The following NUDT2 variants were observed in gnomAD, a reference collection of about 807,000 sequenced individuals.
NUDT2 encodes bis(5'-nucleosyl)-tetraphosphatase [asymmetrical].
NUDT2 carries 12 observed loss-of-function variants against 14.2 expected under a neutral mutation model. The ratio of observed to expected loss-of-function variants is 0.84; its 90% confidence interval spans 0.54 to 1.37. The LOEUF is 1.37. Ranked by LOEUF, NUDT2 falls within the 40% of genes most tolerant of loss-of-function variation. NUDT2 has a pLI of 0.00. For synonymous variants in NUDT2, 67 were observed against 67.4 expected, an observed-to-expected ratio of 0.99 and a Z score of 0.03; for missense variants, 167 against 176.7, an observed-to-expected ratio of 0.95 and a Z score of 0.31.
chr9:34,335,264 T>C (rs1037334302), intron 1 of NUDT2, among the ~76,000 whole-genome samples: 1 of 152,200 alleles, frequency 6.6e-6, no homozygotes, highest in African/African-American at 2.4e-5. Flanking sequence ...AGGTTCCAGT[T>C]TGTCTTTGTT....
At chr9:34,335,070 A>G (rs757812914) in intron 1 of NUDT2, among the ~76,000 whole-genome samples, 14 of 152,140 alleles carry the variant, frequency 9.2e-5, no homozygotes, top group Admixed American at 5.2e-4. Context: ...CCTAGCTCCT[A>G]CTGAATTTCC....
chr9:34,339,097 G>A lies in NUDT2; in HGVS notation c.58G>A (p.Asp20Asn), dbSNP rs761474772. The change falls in exon 4 of 5, where the codon GAC becomes AAC. Residue 20 changes from aspartate (D) to asparagine (N), a missense_variant. Asp to Asn is a conservative substitution (Grantham distance 23). Coordinates refer to ENST00000379158, the MANE Select transcript of NUDT2 (RefSeq NM_001161.5). ...CCGAAGATGCCTCATTCCCAAAGTG[G>A]ACAACAATGCAATTGAGTTTTTACT... ...IFRRCLIPKVDNNAIEFLLLQ... is the reference protein window; with the variant it reads ...IFRRCLIPKVNNNAIEFLLLQ... 13 of 1,614,016 alleles carry A rather than the reference G, an allele frequency of 8.1e-6. No homozygotes were observed. The Admixed American group carries it at 1.0e-4, about 12-fold the overall frequency.
chr9:34,335,389 T>C (rs1395383163), intron 1 of NUDT2, among the ~76,000 whole-genome samples: 1 of 152,248 alleles, frequency 6.6e-6, no homozygotes, highest in Admixed American at 6.5e-5. Context: ...CTTCCAAAGA[T>C]ACACAGTGTC....
chr9:34,336,456 A>G (rs1838090163), intron 2 of NUDT2, 115 bp downstream of exon 2: 2 of 152,242 alleles, frequency 1.3e-5, no homozygotes, highest in Non-Finnish European at 2.9e-5. Context: ...GGATTTCATT[A>G]TACATGCTAT....
chr9:34,330,313 G>A (rs933624649), intron 1 of NUDT2, among the ~76,000 whole-genome samples: 5 of 152,204 alleles, frequency 3.3e-5, no homozygotes, highest in Non-Finnish European at 7.3e-5. Context: ...GCTGAGGCAG[G>A]AGAATGGCAT....
chr9:34,338,602 G>T (rs1240486124), intron 2 of NUDT2, 111 bp from the exon 3 acceptor site: 2 of 154,286 alleles, frequency 1.3e-5, no homozygotes, highest in African/African-American at 4.8e-5. Flanking sequence ...CACTGCTGGG[G>T]GGTTCTGTGC....
intron 2 of NUDT2, among the ~76,000 whole-genome samples, chr9:34,337,157 G>A (rs1044820500): frequency 1.3e-5 from 2 of 151,832 alleles, no homozygotes; most frequent in African/African-American, 4.8e-5. Flanking sequence ...GTGCCATCAC[G>A]CCTGGATAAT....
At chr9:34,331,501 C>G (rs1227123645) in intron 1 of NUDT2, among the ~76,000 whole-genome samples, 1 of 152,106 alleles carries the variant, frequency 6.6e-6, no homozygotes, top group Admixed American at 6.6e-5. Context: ...GTGTTTCTGA[C>G]TAAAGGAGGA....
chr9:34,334,399 C>T (rs1305879347), intron 1 of NUDT2, among the ~76,000 whole-genome samples: 1 of 152,152 alleles, frequency 6.6e-6, no homozygotes, highest in Non-Finnish European at 1.5e-5. Context: ...CTCACCTCCG[C>T]AATCCTGGCT....
chr9:34,332,302 A>T (rs1379485749), intron 1 of NUDT2, among the ~76,000 whole-genome samples: 1 of 152,134 alleles, frequency 6.6e-6, no homozygotes, highest in African/African-American at 2.4e-5. Context: ...TAAACTAGTG[A>T]CCCATCAGAA....
At chr9:34,339,299 A>G (rs905941775) in intron 4 of NUDT2, 133 bp downstream of exon 4, 96 of 1,051,268 alleles carry the variant, frequency 9.1e-5, no homozygotes, top group Non-Finnish European at 1.3e-4. Context: ...GGAGCTCTTG[A>G]CCCTTTCTAC....
intron 3 of NUDT2, 59 bp from the exon 4 acceptor site, chr9:34,338,965 C>G: frequency 5.5e-6 from 8 of 1,458,232 alleles, no homozygotes; most frequent in Non-Finnish European, 7.6e-6. Context: ...TTGCTACCCC[C>G]CAGTATGGAG....
intron 4 of NUDT2, among the ~76,000 whole-genome samples, chr9:34,341,939 C>T (rs781458112): frequency 6.6e-6 from 1 of 152,136 alleles, no homozygotes; most frequent in Non-Finnish European, 1.5e-5. Flanking sequence ...GAGCAGGAGG[C>T]CTCCCTAGAA....
chr9:34,333,426 A>C (rs193101464), intron 1 of NUDT2, among the ~76,000 whole-genome samples: 5 of 152,074 alleles, frequency 3.3e-5, no homozygotes, highest in African/African-American at 1.2e-4. Context: ...CAGGAGTTCA[A>C]GACTAGCTTG....
intron 1 of NUDT2, among the ~76,000 whole-genome samples, chr9:34,335,829 C>T (rs1187767178): frequency 6.6e-6 from 1 of 152,190 alleles, no homozygotes; most frequent in African/African-American, 2.4e-5. Flanking sequence ...ACCCTTGTCA[C>T]TACCCTAAGA....
intron 1 of NUDT2, among the ~76,000 whole-genome samples, chr9:34,333,644 C>CAAAAAA (rs34830977): frequency 1.1e-4 from 5 of 47,100 alleles, no homozygotes; most frequent in Admixed American, 3.4e-4. Flanking sequence ...GAGACATTGT[C>CAAAAAA]AAAAAAAAAA....
In NUDT2 at chr9:34,339,146, A is replaced by C; in HGVS notation, c.107A>C (p.His36Pro). Residue 36 changes from histidine to proline, a missense_variant, in exon 4 of 5, where the codon CAT becomes CCT. Transcript: ENST00000379158. ...CTGCTGCAGGCATCAGATGGCATTCATCACTGGACTCCTCCCAAAGGTAGA... is the reference window on the plus strand; with the variant it reads ...CTGCTGCAGGCATCAGATGGCATTCCTCACTGGACTCCTCCCAAAGGTAGA... ...FLLLQASDGI[H>P]HWTPPKGHVE... 1 of 1,613,910 alleles carries C rather than the reference A, an allele frequency of 6.2e-7. No individual in the cohort carries two copies. The highest frequency in any genetic ancestry group is 1.1e-5 in the South Asian group (1 of 91,088).
intron 4 of NUDT2, among the ~76,000 whole-genome samples, chr9:34,342,133 T>C (rs944189064): frequency 3.3e-5 from 5 of 152,226 alleles, no homozygotes; most frequent in Non-Finnish European, 7.3e-5. Context: ...TGGGTGTTGC[T>C]AACACATTTT....
At chr9:34,337,281 T>C (rs1418472140) in intron 2 of NUDT2, among the ~76,000 whole-genome samples, 3 of 152,224 alleles carry the variant, frequency 2.0e-5, no homozygotes, top group Admixed American at 1.3e-4. Context: ...ATTACAGGCA[T>C]GAGCCACTGT....
Sources: allele counts gnomAD v4.1 joint callset (sites outside exome capture counted in the v4.1 genomes callset), GRCh38; gene constraint gnomAD v4.1.1; transcripts MANE v1.5; gene names NCBI Gene and HGNC (gene_info 2026-07-23, HGNC 2026-07-21).